Variants in C12orf42 observed in about 807,000 individuals in gnomAD.
C12orf42 encodes chromosome 12 open reading frame 42.
In C12orf42, 25 loss-of-function variants were observed where a neutral mutation model predicts 21.6. The ratio of observed to expected loss-of-function variants is 1.16; its 90% CI spans 0.84 to 1.62. The LOEUF is 1.62. Ranked by LOEUF, C12orf42 falls within the 40% of genes most tolerant of loss-of-function variation. The probability of loss-of-function intolerance (pLI) is 0.00; values close to 1 mark genes in which losing one functional copy is unlikely to be tolerated. For synonymous variants in C12orf42, 174 were observed against 175.0 expected (o/e 0.99, Z 0.05); for missense variants, 483 against 459.3 (o/e 1.05, Z -0.47).
chr12:103,326,629 A>T (rs2040740191), intron 4 of C12orf42, among the ~76,000 whole-genome samples: 5 of 152,088 alleles, frequency 3.3e-5, no homozygotes, highest in Admixed American at 3.3e-4. Context: ...CCCAGGTTCC[A>T]TGCTTTTGCT....
chr12:103,075,676 T>C, the C12orf42 span, among the ~76,000 whole-genome samples: 1 of 152,204 alleles, frequency 6.6e-6, no homozygotes, highest in African/African-American at 2.4e-5. Context: ...ATTTCTATTA[T>C]GTTCCTTTAG....
At chr12:103,241,110 T>C (rs1241525130) in intron 10 of C12orf42, among the ~76,000 whole-genome samples, 6 of 151,454 alleles carry the variant, frequency 4.0e-5, no homozygotes, top group Non-Finnish European at 5.9e-5. Context: ...AAAGAAGTTA[T>C]AAAAACCATT....
chr12:103,194,210 G>C, the C12orf42 span, among the ~76,000 whole-genome samples: 3 of 151,672 alleles, frequency 2.0e-5, no homozygotes, highest in African/African-American at 7.3e-5. Context: ...AAAACCCATA[G>C]GTAGCATACT....
the C12orf42 span, among the ~76,000 whole-genome samples, chr12:103,509,804 A>C: frequency 2.0e-5 from 3 of 152,236 alleles, no homozygotes; most frequent in Non-Finnish European, 4.4e-5. Context: ...CCACAATGTG[A>C]TGCAACTTTA....
the C12orf42 span, among the ~76,000 whole-genome samples, chr12:103,151,353 C>T: frequency 0.45 from 49,144 of 108,396 alleles, 8,360 homozygotes; most frequent in East Asian, 0.61. Context: ...TATATATATA[C>T]ATATAGAAAG....
At chr12:103,252,933 T>C (rs1451080134) in intron 10 of C12orf42, among the ~76,000 whole-genome samples, 1 of 152,194 alleles carries the variant, frequency 6.6e-6, no homozygotes, top group Non-Finnish European at 1.5e-5. Context: ...TTTTTTAATG[T>C]TTTAGGTCTT....
intron 10 of C12orf42, among the ~76,000 whole-genome samples, chr12:103,243,472 A>C (rs558289302): frequency 6.6e-6 from 1 of 152,220 alleles, no homozygotes; most frequent in African/African-American, 2.4e-5. Flanking sequence ...TGTAATTATT[A>C]AAATAATTGT....
upstream of C12orf42, among the ~76,000 whole-genome samples, chr12:103,496,240 G>T (rs1955540068): frequency 6.6e-6 from 1 of 152,086 alleles, no homozygotes; most frequent in Non-Finnish European, 1.5e-5. Context: ...CCACGGAGGG[G>T]GTACTTCTGG....
the C12orf42 span, among the ~76,000 whole-genome samples, chr12:103,160,246 C>T: frequency 2.0e-5 from 3 of 152,142 alleles, no homozygotes; most frequent in Non-Finnish European, 4.4e-5. Flanking sequence ...TGGAATAATT[C>T]CTAGAACCAC....
At chr12:103,073,738 A>G in the C12orf42 span, among the ~76,000 whole-genome samples, 1 of 152,166 alleles carries the variant, frequency 6.6e-6, no homozygotes, top group Non-Finnish European at 1.5e-5. Context: ...GCAAGAAAAC[A>G]CATATTCATG....
chr12:103,426,601 A>T (rs1949829220), intron 2 of C12orf42, among the ~76,000 whole-genome samples: 1 of 152,184 alleles, frequency 6.6e-6, no homozygotes, highest in Non-Finnish European at 1.5e-5. Context: ...AAATTCAGGA[A>T]ATACAGAGAA....
At chr12:103,091,827 T>C in the C12orf42 span, among the ~76,000 whole-genome samples, 2 of 152,176 alleles carry the variant, frequency 1.3e-5, no homozygotes, top group Admixed American at 1.3e-4. Context: ...GAATGCACAA[T>C]GTTGTTTTCT....
chr12:103,386,382 G>C (rs1267423427), intron 3 of C12orf42, among the ~76,000 whole-genome samples: 1 of 152,074 alleles, frequency 6.6e-6, no homozygotes, highest in Non-Finnish European at 1.5e-5. Flanking sequence ...GAACTGAACT[G>C]ACCTTATCAG....
chr12:103,529,911 T>C, the C12orf42 span, among the ~76,000 whole-genome samples: 1 of 152,154 alleles, frequency 6.6e-6, no homozygotes, highest in African/African-American at 2.4e-5. Flanking sequence ...TTAGATAGCA[T>C]TCCCCCATGA....
chr12:103,078,591 A>G, the C12orf42 span, among the ~76,000 whole-genome samples: 2 of 152,224 alleles, frequency 1.3e-5, no homozygotes, highest in Admixed American at 6.5e-5. Flanking sequence ...TGAATGGACT[A>G]TGCTTCATAT....
chr12:103,291,031 T>A (rs930445803), intron 4 of C12orf42, among the ~76,000 whole-genome samples: 3 of 129,068 alleles, frequency 2.3e-5, no homozygotes, highest in Non-Finnish European at 5.2e-5. Flanking sequence ...TTATAAAATA[T>A]TTTTTTAAAA....
At chr12:103,446,638 C>T (rs1367708236) in intron 2 of C12orf42, among the ~76,000 whole-genome samples, 1 of 151,822 alleles carries the variant, frequency 6.6e-6, no homozygotes, top group East Asian at 1.9e-4. Context: ...TAAGGACTCA[C>T]ATAAACTTAA....
the C12orf42 span, among the ~76,000 whole-genome samples, chr12:103,518,106 A>G: frequency 6.6e-6 from 1 of 152,222 alleles, no homozygotes; most frequent in Non-Finnish European, 1.5e-5. Context: ...ATTGTAAATC[A>G]TGAGAAGATA....
the C12orf42 span, among the ~76,000 whole-genome samples, chr12:103,201,580 G>A: frequency 2.0e-5 from 3 of 152,122 alleles, no homozygotes; most frequent in Non-Finnish European, 4.4e-5. Context: ...TGCTTCAAAT[G>A]CTGAATGACC....
Sources: allele counts gnomAD v4.1 joint callset (sites outside exome capture counted in the v4.1 genomes callset), GRCh38; gene constraint gnomAD v4.1.1; transcripts MANE v1.5; gene names NCBI Gene and HGNC (gene_info 2026-07-23, HGNC 2026-07-21).